CSRP3: variants seen among roughly 807,000 people sequenced by gnomAD.
CSRP3 encodes cysteine and glycine rich protein 3.
Under a neutral mutation model 24.3 loss-of-function variants are expected in CSRP3, and 24 were observed. The ratio of observed to expected loss-of-function variants is 0.99; its 90% CI spans 0.71 to 1.39. The LOEUF is 1.39. CSRP3 is among the 40% of genes most tolerant of loss of function. The pLI is 0.00. For missense variants in CSRP3, 240 were observed against 249.0 expected (o/e 0.96, Z 0.24); for synonymous variants, 105 against 94.0 (o/e 1.12, Z -0.68).
intron 1 of CSRP3, among the ~76,000 whole-genome samples, chr11:19,194,578 C>T (rs1313619791): frequency 6.6e-6 from 1 of 152,066 alleles, no homozygotes; most frequent in Non-Finnish European, 1.5e-5. Flanking sequence ...AGCTACTCAG[C>T]AGGTTGAGGC....
intron 1 of CSRP3, among the ~76,000 whole-genome samples, chr11:19,197,356 C>G (rs1194506066): frequency 1.8e-5 from 1 of 55,214 alleles, no homozygotes; most frequent in South Asian, 6.1e-4. Flanking sequence ...CTCCCTCCCT[C>G]CCTCCCTCCC....
At chr11:19,185,362 G>A (rs1850507655) in intron 4 of CSRP3, among the ~76,000 whole-genome samples, 1 of 152,240 alleles carries the variant, frequency 6.6e-6, no homozygotes. Context: ...TGGGCTGGGG[G>A]CACTGGGTGA....
intron 2 of CSRP3, among the ~76,000 whole-genome samples, chr11:19,191,884 C>A (rs1850621453): frequency 6.6e-6 from 1 of 152,170 alleles, no homozygotes; most frequent in African/African-American, 2.4e-5. Flanking sequence ...TGCCCCCCTG[C>A]CTGACATAGG....
chr11:19,190,366 C>T (rs771184861), intron 2 of CSRP3, among the ~76,000 whole-genome samples: 26 of 152,176 alleles, frequency 1.7e-4, no homozygotes, highest in Non-Finnish European at 3.5e-4. Flanking sequence ...GCACAAAATG[C>T]ACATCAGATT....
At chr11:19,187,506 G>A (rs1850546296) in intron 3 of CSRP3, among the ~76,000 whole-genome samples, 2 of 152,206 alleles carry the variant, frequency 1.3e-5, no homozygotes, top group Non-Finnish European at 2.9e-5. Flanking sequence ...AGGTCAATGT[G>A]GTTATCAAGA....
rs145285240 is a variant in CSRP3 at position 19,197,561 on chromosome 11, TTC to T, written c.-29+4391_-29+4392del. 5.7e-3 allele frequency among the ~76,000 whole-genome samples: 790 copies of T among 139,042 alleles called. 6 individuals are homozygous for T. The highest frequency in any genetic ancestry group is 0.015 in the African/African-American group (508 of 34,914). 91.2% of individuals were successfully genotyped at this position (139,042 alleles called of 152,430 possible). ...TTTCTTTCTTTCTTTCTTTCTTTCT[TTC>T]TTTCTTTCTTTCTTCTTTCACTACC... On this transcript the variant is annotated intron_variant, in intron 1 of 5. Coordinates refer to ENST00000265968, the MANE Select transcript of CSRP3 (RefSeq NM_003476.5).
At chr11:19,192,838 T>C (rs1850638693) in intron 1 of CSRP3, among the ~76,000 whole-genome samples, 1 of 152,032 alleles carries the variant, frequency 6.6e-6, no homozygotes. Context: ...AATTATCCCA[T>C]CAGAACTGGG....
In CSRP3 at chr11:19,186,271, C is replaced by T. The variant is rs765507249; in HGVS notation, c.359G>A (p.Cys120Tyr). 1.2e-6 allele frequency: 2 copies of T among 1,614,186 alleles called. No individual in the cohort carries two copies. Among genetic ancestry groups the T allele is most frequent in the Non-Finnish European group, 1.7e-6 (2 of 1,180,030 alleles). The change falls in exon 4 of 6, where the codon TGC becomes TAC. Residue 120 changes from cysteine (C) to tyrosine (Y), a missense_variant. Physicochemically the swap from Cys to Tyr is radical, Grantham distance 194. Coordinates refer to ENST00000265968, the MANE Select transcript of CSRP3 (RefSeq NM_003476.5). ...ATAGACTGACTTGCCACATCGAGGG[C>T]ACTTCTCGGACTCTCCAAACTTCGC... ...FTAKFGESEK[C>Y]PRCGKSVYAA...
intron 4 of CSRP3, 137 bp downstream of exon 4, chr11:19,186,079 G>C: frequency 9.0e-7 from 1 of 1,108,986 alleles, no homozygotes; most frequent in Non-Finnish European, 1.4e-6. Flanking sequence ...AAGTGGCTGA[G>C]GATGTGTGGT....
chr11:19,193,410 C>T (rs1398267994), intron 1 of CSRP3, among the ~76,000 whole-genome samples: 1 of 152,206 alleles, frequency 6.6e-6, no homozygotes, highest in African/African-American at 2.4e-5. Flanking sequence ...CCATTGGAGA[C>T]ATTCAGCTAC....
intron 1 of CSRP3, among the ~76,000 whole-genome samples, chr11:19,194,039 C>T (rs1390929200): frequency 1.3e-5 from 2 of 152,146 alleles, no homozygotes; most frequent in Admixed American, 1.3e-4. Context: ...ACTATCCAGC[C>T]ATTCTGAGTG....
At chr11:19,193,045 G>A (rs1850641468) in intron 1 of CSRP3, among the ~76,000 whole-genome samples, 1 of 152,104 alleles carries the variant, frequency 6.6e-6, no homozygotes, top group South Asian at 2.1e-4. Context: ...AGCTTATCTT[G>A]CTGATAGAAA....
chr11:19,189,990 ACT>A (rs773349473), intron 2 of CSRP3, among the ~76,000 whole-genome samples: 39 of 152,120 alleles, frequency 2.6e-4, no homozygotes, highest in Non-Finnish European at 4.6e-4. Flanking sequence ...GATGGTCTAG[ACT>A]CTGAGTTCCT....
intron 1 of CSRP3, chr11:19,196,834 G>C (rs922654689): frequency 8.5e-5 from 13 of 152,236 alleles, no homozygotes; most frequent in Non-Finnish European, 1.8e-4. Context: ...GGACAGTCTG[G>C]AATTTACGAG....
chr11:19,184,900 A>C, intron 5 of CSRP3, 52 bp downstream of exon 5: 14 of 1,299,770 alleles, frequency 1.1e-5, no homozygotes, highest in African/African-American at 1.5e-5. Flanking sequence ...TTCCTCTCCC[A>C]AGGGCCCTTT....
intron 4 of CSRP3, 79 bp downstream of exon 4, chr11:19,186,137 T>C: frequency 6.3e-7 from 1 of 1,585,450 alleles, no homozygotes; most frequent in South Asian, 1.1e-5. Context: ...TGCTTGCAGC[T>C]CCCAATTTTT....
At chr11:19,189,373 C>T (rs1475745042) in intron 2 of CSRP3, among the ~76,000 whole-genome samples, 4 of 152,174 alleles carry the variant, frequency 2.6e-5, no homozygotes, top group Non-Finnish European at 5.9e-5. Flanking sequence ...AGAATTTCCA[C>T]CATGTAATGA....
intron 1 of CSRP3, among the ~76,000 whole-genome samples, chr11:19,193,813 G>A (rs547576496): frequency 3.3e-5 from 5 of 152,246 alleles, no homozygotes; most frequent in East Asian, 1.9e-4. Context: ...GCGAGACTCC[G>A]TCTCAAAAAA....
chr11:19,184,461 C>T (rs756345941), intron 5 of CSRP3, among the ~76,000 whole-genome samples: 6 of 152,216 alleles, frequency 3.9e-5, no homozygotes, highest in African/African-American at 7.2e-5. Flanking sequence ...GCAACATCGA[C>T]AACAGAACTG....
Sources: allele counts gnomAD v4.1 joint callset (sites outside exome capture counted in the v4.1 genomes callset), GRCh38; gene constraint gnomAD v4.1.1; transcripts MANE v1.5; gene names NCBI Gene and HGNC (gene_info 2026-07-23, HGNC 2026-07-21).